Variants in EPHA3 observed in about 807,000 individuals in gnomAD.
EPHA3 encodes the protein ephrin type-A receptor 3.
In EPHA3, 42 loss-of-function variants were observed where a neutral mutation model predicts 107.1. That is an observed-to-expected ratio of 0.39 (90% CI 0.31 to 0.51). EPHA3 has a LOEUF of 0.51. EPHA3 is among the 20% of genes least tolerant of loss of function. The pLI is 0.78. For synonymous variants in EPHA3, 461 were observed against 424.8 expected (o/e 1.09, Z -1.05); for missense variants, 1,183 against 1,211.2 (o/e 0.98, Z 0.35).
At chr3:89,345,208 T>C (rs748793643) in intron 5 of EPHA3, among the ~76,000 whole-genome samples, 1 of 151,276 alleles carries the variant, frequency 6.6e-6, no homozygotes, top group Non-Finnish European at 1.5e-5. Context: ...GGAGCACTAA[T>C]AGAGAATGTA....
chr3:89,429,151 T>C lies in EPHA3; in HGVS notation c.2120T>C (p.Leu707Ser). Residue 707 changes from leucine to serine, a missense_variant, in exon 12 of 17, where the codon TTG becomes TCG. Coordinates refer to ENST00000336596, the MANE Select transcript of EPHA3 (RefSeq NM_005233.6). ...IVTEYMENGS[L>S]DSFLRKHDAQ... ...ACAGAATACATGGAGAATGGTTCCT[T>C]GGATAGTTTCCTACGTGTAAGTAAG... 2 of 1,611,032 alleles carry C rather than the reference T, an allele frequency of 1.2e-6. No individual in the cohort carries two copies. Among genetic ancestry groups the C allele is most frequent in the Non-Finnish European group, 1.7e-6 (2 of 1,177,856 alleles).
At chr3:89,243,324 C>G (rs1704952733) in intron 3 of EPHA3, among the ~76,000 whole-genome samples, 1 of 152,114 alleles carries the variant, frequency 6.6e-6, no homozygotes, top group South Asian at 2.1e-4. Context: ...CCTGAGGAAT[C>G]TCCACACTGA....
chr3:89,210,794 A>G (rs1168789374), intron 3 of EPHA3, among the ~76,000 whole-genome samples: 1 of 152,124 alleles, frequency 6.6e-6, no homozygotes, highest in Non-Finnish European at 1.5e-5. Flanking sequence ...CTGTTTAATA[A>G]CTAAGGTAAT....
chr3:89,176,660 T>A, intron 2 of EPHA3, among the ~76,000 whole-genome samples: 1 of 152,132 alleles, frequency 6.6e-6, no homozygotes, highest in East Asian at 1.9e-4. Flanking sequence ...GTAAAGCATC[T>A]TACACATATT....
intron 15 of EPHA3, among the ~76,000 whole-genome samples, chr3:89,469,207 G>T (rs1473820549): frequency 6.6e-6 from 1 of 152,070 alleles, no homozygotes; most frequent in Non-Finnish European, 1.5e-5. Flanking sequence ...ATTGAGTTTA[G>T]TCTAGTGGAC....
chr3:89,241,576 A>G (rs1314688016), intron 3 of EPHA3, among the ~76,000 whole-genome samples: 1 of 152,156 alleles, frequency 6.6e-6, no homozygotes, highest in Admixed American at 6.5e-5. Context: ...TCTTTGTGAC[A>G]GGCATTGTTC....
At chr3:89,153,379 A>C (rs1329053186) in intron 2 of EPHA3, among the ~76,000 whole-genome samples, 2 of 152,016 alleles carry the variant, frequency 1.3e-5, no homozygotes, top group Non-Finnish European at 1.5e-5. Context: ...CATATATCCA[A>C]CTTCCTTATT....
intron 1 of EPHA3, among the ~76,000 whole-genome samples, 191 bp from the exon 2 acceptor site, chr3:89,127,018 C>A (rs917335464): frequency 1.3e-5 from 2 of 151,812 alleles, no homozygotes; most frequent in African/African-American, 4.8e-5. Context: ...GACACAGAAA[C>A]TTTTGATCTC....
chr3:89,269,607 CT>C (rs948000264), intron 3 of EPHA3, among the ~76,000 whole-genome samples: 302 of 142,356 alleles, frequency 2.1e-3, no homozygotes, highest in African/African-American at 2.6e-3. Context: ...TTTTTTCTTT[CT>C]TTTTTTTTTT....
intron 2 of EPHA3, among the ~76,000 whole-genome samples, chr3:89,148,617 A>T (rs1438641019): frequency 1.3e-5 from 2 of 152,022 alleles, no homozygotes; most frequent in Non-Finnish European, 2.9e-5. Flanking sequence ...GTGATGACAT[A>T]TGCTTTTAAG....
chr3:89,439,329 A>C (rs1476300642), intron 13 of EPHA3, among the ~76,000 whole-genome samples: 1 of 152,148 alleles, frequency 6.6e-6, no homozygotes, highest in Admixed American at 6.5e-5. Context: ...TTGGTGATGC[A>C]TGCCTTTAGT....
intron 11 of EPHA3, among the ~76,000 whole-genome samples, chr3:89,422,861 CACAA>C (rs1709378533): frequency 6.6e-6 from 1 of 151,262 alleles, no homozygotes; most frequent in Non-Finnish European, 1.5e-5. Flanking sequence ...TTCATTTAGC[CACAA>C]ACAATTTTAA....
At chr3:89,326,577 A>G (rs529436605) in intron 3 of EPHA3, among the ~76,000 whole-genome samples, 1 of 152,138 alleles carries the variant, frequency 6.6e-6, no homozygotes, top group East Asian at 1.9e-4. Context: ...TTTTGTAGAG[A>G]TGGGGTTTCA....
At chr3:89,167,183 A>AT (rs1255842082) in intron 2 of EPHA3, among the ~76,000 whole-genome samples, 1 of 152,220 alleles carries the variant, frequency 6.6e-6, no homozygotes, top group African/African-American at 2.4e-5. Flanking sequence ...GTTTTGAAGC[A>AT]TATATACATT....
At chr3:89,293,273 T>C (rs1240026873) in intron 3 of EPHA3, among the ~76,000 whole-genome samples, 2 of 152,178 alleles carry the variant, frequency 1.3e-5, no homozygotes. Flanking sequence ...AATCAAATGA[T>C]TTATAAATAC....
At chr3:89,457,870 T>C (rs1014509267) in intron 15 of EPHA3, among the ~76,000 whole-genome samples, 3 of 152,164 alleles carry the variant, frequency 2.0e-5, no homozygotes, top group African/African-American at 7.2e-5. Context: ...AGTGTGTGAA[T>C]TCAATATGTT....
intron 2 of EPHA3, among the ~76,000 whole-genome samples, chr3:89,204,001 C>T (rs1412315253): frequency 6.6e-6 from 1 of 151,970 alleles, no homozygotes; most frequent in African/African-American, 2.4e-5. Context: ...AGACATTGTG[C>T]CTTTAATAGC....
chr3:89,170,295 T>C (rs569173652), intron 2 of EPHA3, among the ~76,000 whole-genome samples: 74 of 151,556 alleles, frequency 4.9e-4, no homozygotes, highest in Non-Finnish European at 8.1e-4. Flanking sequence ...CAGAAAATAA[T>C]GATTTAATCA....
intron 1 of EPHA3, among the ~76,000 whole-genome samples, chr3:89,117,832 G>A (rs766232300): frequency 1.1e-4 from 17 of 151,998 alleles, no homozygotes; most frequent in Admixed American, 7.9e-4. Context: ...ATATTCAAAG[G>A]TGGCAAAAAG....
Sources: allele counts gnomAD v4.1 joint callset (sites outside exome capture counted in the v4.1 genomes callset), GRCh38; gene constraint gnomAD v4.1.1; transcripts MANE v1.5; gene names NCBI Gene and HGNC (gene_info 2026-07-23, HGNC 2026-07-21).